Variants in SVOPL observed in about 807,000 individuals in gnomAD.
SVOPL encodes the protein putative transporter SVOPL.
A neutral mutation model predicts 61.0 loss-of-function variants in SVOPL; 60 were observed. The observed-to-expected ratio is 0.98, with a 90% CI of 0.80 to 1.22. SVOPL has a LOEUF of 1.22. SVOPL is among the 50% of genes most tolerant of loss of function. SVOPL has a pLI of 0.00. For synonymous variants in SVOPL, 279 were observed against 250.0 expected (o/e 1.12, Z -1.09); for missense variants, 662 against 643.9 (o/e 1.03, Z -0.30).
intron 5 of SVOPL, 52 bp downstream of exon 5, chr7:138,663,022 C>G (rs1802065628): frequency 1.9e-6 from 3 of 1,612,662 alleles, no homozygotes; most frequent in Non-Finnish European, 1.7e-6. Flanking sequence ...AGGTTGCCCC[C>G]AAAAGAATAC....
At chr7:138,662,395 C>T (rs1802038490) in intron 5 of SVOPL, 1 of 985,268 alleles carries the variant, frequency 1.0e-6, no homozygotes, top group African/African-American at 1.7e-5. Context: ...TTTCTTGCCC[C>T]AAAATTAAGG....
chr7:138,636,476 C>CTT (rs1033199816), intron 9 of SVOPL, among the ~76,000 whole-genome samples: 95 of 147,224 alleles, frequency 6.5e-4, no homozygotes, highest in African/African-American at 2.4e-3. Context: ...TAGGATTTTT[C>CTT]TTTTTTTTTT....
At chr7:138,657,605 T>C (rs1350657387) in intron 6 of SVOPL, among the ~76,000 whole-genome samples, 1 of 152,224 alleles carries the variant, frequency 6.6e-6, no homozygotes, top group African/African-American at 2.4e-5. Context: ...GTTTTCTAAT[T>C]GCTCTTCTCT....
At chr7:138,694,864 G>A (rs1803032625) in intron 1 of SVOPL, among the ~76,000 whole-genome samples, 2 of 151,784 alleles carry the variant, frequency 1.3e-5, no homozygotes, top group South Asian at 4.2e-4. Context: ...TCAGCCTCCT[G>A]AGTAGCTGGG....
intron 1 of SVOPL, among the ~76,000 whole-genome samples, chr7:138,680,863 G>T (rs981884498): frequency 6.6e-6 from 1 of 152,122 alleles, no homozygotes; most frequent in African/African-American, 2.4e-5. Flanking sequence ...ACAGGTGTGA[G>T]CCACCTTGCC....
chr7:138,621,804 A>G (rs1032324265), intron 13 of SVOPL, among the ~76,000 whole-genome samples: 5 of 135,280 alleles, frequency 3.7e-5, no homozygotes, highest in African/African-American at 1.4e-4. Context: ...CTATCTATGT[A>G]TCTATCTATG....
chr7:138,697,562 C>T (rs1462531495), intron 1 of SVOPL, among the ~76,000 whole-genome samples: 6 of 139,264 alleles, frequency 4.3e-5, no homozygotes, highest in African/African-American at 1.6e-4. Context: ...GAACCGTGAT[C>T]ATGCCACCCA....
At chr7:138,694,200 C>T (rs11769011) in intron 1 of SVOPL, among the ~76,000 whole-genome samples, 5 of 152,184 alleles carry the variant, frequency 3.3e-5, no homozygotes, top group African/African-American at 4.8e-5. Context: ...TAGTCAAACA[C>T]GTATACAACG....
intron 4 of SVOPL, among the ~76,000 whole-genome samples, chr7:138,670,190 C>T (rs941528836): frequency 6.6e-6 from 1 of 152,176 alleles, no homozygotes; most frequent in Non-Finnish European, 1.5e-5. Context: ...ATGGGTCAAG[C>T]TAACTTTGGA....
chr7:138,685,725 T>C (rs1205746760), intron 1 of SVOPL, among the ~76,000 whole-genome samples: 2 of 151,702 alleles, frequency 1.3e-5, no homozygotes, highest in African/African-American at 4.8e-5. Flanking sequence ...CCAGGCGTGG[T>C]GGCGGGTGCA....
rs1356903663 is a variant in SVOPL, at chr7:138,663,502, A to G, written c.274-357T>C. The G allele has an allele frequency of 3.9e-6, 4 of 1,032,452 alleles. No individual in the cohort carries two copies. The African/African-American group carries it at 6.8e-5, about 17-fold the overall frequency. 64.0% of individuals were successfully genotyped at this position (1,032,452 alleles called of 1,614,324 possible). A position where few individuals can be genotyped will look rare whatever the true frequency, so the allele number is the denominator to read the frequency against. ...ATGCGCTGCCTTATACAGTACACAA[A>G]TTGGGGCCACTAGAAGCAGTCTCCC... is the stretch of plus-strand genomic sequence containing the variant. On this transcript the variant is annotated intron_variant, in intron 4 of 15. Coordinates refer to ENST00000674285, the MANE Select transcript of SVOPL (RefSeq NM_001139456.2).
chr7:138,620,144 A>T (rs1475622235), intron 14 of SVOPL, among the ~76,000 whole-genome samples: 2 of 91,378 alleles, frequency 2.2e-5, no homozygotes, highest in East Asian at 3.1e-4. Flanking sequence ...TTTTTTTGAG[A>T]TAGAGTCTCA....
chr7:138,666,955 T>C (rs745810846), intron 4 of SVOPL, among the ~76,000 whole-genome samples: 4 of 152,218 alleles, frequency 2.6e-5, no homozygotes, highest in East Asian at 1.9e-4. Flanking sequence ...AGACTGTCTC[T>C]TTCAGGCTTG....
chr7:138,651,322 G>T lies in SVOPL; in HGVS notation c.535-2185C>A, dbSNP rs548126211. 5.3e-5 allele frequency among the ~76,000 whole-genome samples: 8 copies of T among 152,226 alleles called. No homozygotes were observed. In the South Asian group the frequency reaches 1.7e-3, roughly 32 times the overall value. On this transcript the variant is annotated intron_variant, in intron 7 of 15. Coordinates refer to ENST00000674285, the MANE Select transcript of SVOPL (RefSeq NM_001139456.2). ...ATCATCCTGGGCTCAGAAAACCTTG[G>T]AATTGGACCTATGGCTTCAAGCATT...
chr7:138,666,244 G>A (rs1208105111), intron 4 of SVOPL, among the ~76,000 whole-genome samples: 1 of 152,212 alleles, frequency 6.6e-6, no homozygotes, highest in African/African-American at 2.4e-5. Flanking sequence ...TTCCCAGATT[G>A]CAATCACCTA....
chr7:138,672,672 A>AG (rs1340418292), intron 3 of SVOPL, among the ~76,000 whole-genome samples: 1 of 151,064 alleles, frequency 6.6e-6, no homozygotes, highest in African/African-American at 2.4e-5. Flanking sequence ...AAAAAAAAAA[A>AG]AAAGAAGCAA....
intron 14 of SVOPL, among the ~76,000 whole-genome samples, chr7:138,608,480 G>C (rs1798851946): frequency 6.6e-6 from 1 of 152,170 alleles, no homozygotes; most frequent in African/African-American, 2.4e-5. Flanking sequence ...GTCGTGTTGA[G>C]ACAGCCGGCT....
chr7:138,690,651 T>C (rs1181294218), intron 1 of SVOPL, among the ~76,000 whole-genome samples: 1 of 152,102 alleles, frequency 6.6e-6, no homozygotes, highest in Non-Finnish European at 1.5e-5. Context: ...AGGGAGTGAC[T>C]GATAATAGGT....
intron 14 of SVOPL, among the ~76,000 whole-genome samples, chr7:138,617,252 G>C (rs1354933190): frequency 6.6e-6 from 1 of 152,176 alleles, no homozygotes; most frequent in African/African-American, 2.4e-5. Flanking sequence ...TTACAGGTGT[G>C]AGTTACTGTG....
Sources: allele counts gnomAD v4.1 joint callset (sites outside exome capture counted in the v4.1 genomes callset), GRCh38; gene constraint gnomAD v4.1.1; transcripts MANE v1.5; gene names NCBI Gene and HGNC (gene_info 2026-07-23, HGNC 2026-07-21).